Variants in CFAP20DC observed in about 807,000 individuals in gnomAD.
The protein encoded by CFAP20DC is protein CFAP20DC.
CFAP20DC carries 84 observed loss-of-function variants against 101.7 expected under a neutral mutation model. That is an observed-to-expected ratio of 0.83 (90% CI 0.69 to 0.99). The LOEUF (loss-of-function observed/expected upper bound fraction) is 0.99, where lower values mean the gene tolerates loss of function less well. CFAP20DC is among the 50% of genes least tolerant of loss of function. The pLI is 0.00. For synonymous variants in CFAP20DC, 359 were observed against 351.2 expected, an observed-to-expected ratio of 1.02 and a Z score of -0.25; for missense variants, 1,007 against 970.3, an observed-to-expected ratio of 1.04 and a Z score of -0.50.
rs192188781 is a variant in CFAP20DC at position 59,046,427 on chromosome 3, A to C, written c.112-105T>G. ...CAGGGAAAAAAAAATCCCATATTCA[A>C]ATAACTTAAAAGCAGGCTCAGGCCT... On this transcript the variant is annotated intron_variant, in intron 2 of 16. Coordinates refer to ENST00000482387, the MANE Select transcript of CFAP20DC (RefSeq NM_001394063.1). 5 of 727,968 alleles carry C rather than the reference A, an allele frequency of 6.9e-6. No homozygotes were observed. The African/African-American group carries it at 9.2e-5, about 13-fold the overall frequency. The allele number at this position is 727,968 out of a possible 1,614,324, so 45.1% of individuals were successfully genotyped here.
chr3:58,814,021 C>G (rs1197685230), intron 14 of CFAP20DC, among the ~76,000 whole-genome samples: 1 of 151,906 alleles, frequency 6.6e-6, no homozygotes, highest in Non-Finnish European at 1.5e-5. Context: ...CAAACTCACA[C>G]TGGTATAGAA....
At chr3:58,909,181 G>C (rs913453067) in intron 6 of CFAP20DC, among the ~76,000 whole-genome samples, 3 of 152,106 alleles carry the variant, frequency 2.0e-5, no homozygotes, top group African/African-American at 7.2e-5. Context: ...CTCAGTGTAA[G>C]TTCATCGATT....
At chr3:58,775,298 A>G (rs2071222761) in intron 15 of CFAP20DC, among the ~76,000 whole-genome samples, 1 of 152,158 alleles carries the variant, frequency 6.6e-6, no homozygotes, top group South Asian at 2.1e-4. Flanking sequence ...AAAGTAGACA[A>G]TCAGAATATG....
intron 4 of CFAP20DC, among the ~76,000 whole-genome samples, chr3:58,966,014 C>T (rs958350317): frequency 8.5e-5 from 13 of 152,316 alleles, no homozygotes; most frequent in South Asian, 2.1e-4. Flanking sequence ...TGGAAATTAA[C>T]CAAAGGATTG....
At chr3:58,793,806 C>T (rs941016298) in intron 15 of CFAP20DC, among the ~76,000 whole-genome samples, 26 of 152,120 alleles carry the variant, frequency 1.7e-4, no homozygotes, top group African/African-American at 6.3e-4. Flanking sequence ...TTCATTTTAT[C>T]GTAGTATTGA....
Position 58,729,324 on chromosome 3 carries a change from A to G in CFAP20DC, c.198-11696T>C, listed in dbSNP as rs2067601355. 6.6e-6 allele frequency among the ~76,000 whole-genome samples: 1 copy of G among 152,128 alleles called. No individual in the cohort carries two copies. The highest frequency in any genetic ancestry group is 1.5e-5 in the Non-Finnish European group (1 of 68,024). The stretch of plus-strand genomic sequence containing the variant: ...TTAAAATTAATTAGATTTTTATTAG[A>G]TTTATTTCTAGGTATTTGATGTTCT... On this transcript the variant is annotated intron_variant, in intron 3 of 3. Coordinates refer to the CFAP20DC transcript ENST00000486145. The surrounding 1 kb of genome is among the most constrained non-coding windows in gnomAD (Gnocchi z 4.4).
chr3:58,921,910 T>C (rs915586794), intron 5 of CFAP20DC, among the ~76,000 whole-genome samples: 20 of 152,254 alleles, frequency 1.3e-4, no homozygotes, highest in African/African-American at 4.6e-4. Context: ...AGCACTGTTA[T>C]ATCTTCTTCA....
At chr3:58,886,108 T>C (rs1207577217) in intron 6 of CFAP20DC, among the ~76,000 whole-genome samples, 4 of 152,182 alleles carry the variant, frequency 2.6e-5, no homozygotes, top group African/African-American at 9.7e-5. Flanking sequence ...GACTTTACTA[T>C]GTGTACCAAA....
intron 15 of CFAP20DC, among the ~76,000 whole-genome samples, chr3:58,767,998 A>C (rs920591389): frequency 6.6e-6 from 1 of 152,062 alleles, no homozygotes; most frequent in African/African-American, 2.4e-5. Flanking sequence ...TCCTACCCTT[A>C]CCCCTTATGG....
At position 58,849,425 on chromosome 3, in the gene CFAP20DC, A is replaced by G; in HGVS notation, c.1594-16T>C. 1 of 1,480,172 alleles carries G rather than the reference A, an allele frequency of 6.8e-7. No homozygotes were observed. The highest frequency in any genetic ancestry group is 8.9e-7 in the Non-Finnish European group (1 of 1,123,724). 91.7% of individuals were successfully genotyped at this position (1,480,172 alleles called of 1,614,324 possible). On this transcript the variant is annotated splice_polypyrimidine_tract_variant and intron_variant, in intron 12 of 16. Transcript: ENST00000482387. ...TGTGGTTACCCTATGTTGGGGAACA[A>G]AGTAAAAATAATTTTGAGCAGAAAT...
At chr3:58,933,623 C>A (rs1237918298) in intron 5 of CFAP20DC, among the ~76,000 whole-genome samples, 1 of 151,958 alleles carries the variant, frequency 6.6e-6, no homozygotes, top group Non-Finnish European at 1.5e-5. Flanking sequence ...GAAACTCACT[C>A]AAAACCACTC....
intron 16 of CFAP20DC, among the ~76,000 whole-genome samples, chr3:58,752,808 C>T (rs369239093): frequency 5.3e-4 from 80 of 152,180 alleles, no homozygotes; most frequent in Non-Finnish European, 8.5e-4. Flanking sequence ...AAGAAAAATG[C>T]GATGCTCTAC....
intron 6 of CFAP20DC, among the ~76,000 whole-genome samples, chr3:58,890,562 G>C (rs1194525728): frequency 2.0e-5 from 3 of 150,320 alleles, no homozygotes; most frequent in Non-Finnish European, 4.5e-5. Context: ...GCCGGGTGGG[G>C]GGCTGACCCC....
chr3:58,886,704 C>A (rs1331147330), intron 6 of CFAP20DC, among the ~76,000 whole-genome samples: 1 of 150,980 alleles, frequency 6.6e-6, no homozygotes, highest in Non-Finnish European at 1.5e-5. Context: ...GGAGAAAGAC[C>A]CTGTCTTAAA....
intron 4 of CFAP20DC, among the ~76,000 whole-genome samples, chr3:58,956,875 A>G (rs1399062348): frequency 6.6e-6 from 1 of 152,190 alleles, no homozygotes; most frequent in Non-Finnish European, 1.5e-5. Context: ...GAAGCCCCTT[A>G]TAAAACCATC....
intron 4 of CFAP20DC, among the ~76,000 whole-genome samples, chr3:58,954,768 C>T (rs1355342230): frequency 6.6e-6 from 1 of 152,024 alleles, no homozygotes; most frequent in Non-Finnish European, 1.5e-5. Flanking sequence ...CTTTAGTGTG[C>T]TTATTAAAAT....
chr3:59,042,457 G>A (rs1277532557), intron 3 of CFAP20DC, among the ~76,000 whole-genome samples: 1 of 151,980 alleles, frequency 6.6e-6, no homozygotes, highest in Non-Finnish European at 1.5e-5. Flanking sequence ...GCTGTAGGTA[G>A]AGGGTACAGT....
chr3:58,949,223 T>C (rs954117385), intron 4 of CFAP20DC, among the ~76,000 whole-genome samples: 1 of 152,174 alleles, frequency 6.6e-6, no homozygotes, highest in Non-Finnish European at 1.5e-5. Context: ...TGTTGATCTT[T>C]TCAAAAAACC....
intron 15 of CFAP20DC, among the ~76,000 whole-genome samples, chr3:58,758,611 A>C (rs1354963406): frequency 6.6e-6 from 1 of 152,158 alleles, no homozygotes; most frequent in Non-Finnish European, 1.5e-5. Flanking sequence ...ATATGTACAC[A>C]TGTGCCATGT....
Sources: gnomAD v4.1 joint callset for allele counts (sites outside exome capture counted in the v4.1 genomes callset) on GRCh38, gnomAD v4.1.1 for gene constraint, Gnocchi (gnomAD v3.1) non-coding constraint, MANE v1.5 for transcripts, NCBI Gene and HGNC (gene_info 2026-07-23, HGNC 2026-07-21) for gene names.